Variants in ANO6 observed in about 807,000 individuals in gnomAD.
ANO6 encodes anoctamin-6.
ANO6 carries 106 observed loss-of-function variants against 117.5 expected under a neutral mutation model. The observed-to-expected ratio is 0.90, with a 90% confidence interval of 0.77 to 1.06. The LOEUF (loss-of-function observed/expected upper bound fraction) is 1.06. ANO6 is among the 50% of genes least tolerant of loss of function. ANO6 has a pLI of 0.00. For missense variants in ANO6, 955 were observed against 1,121.1 expected, an observed-to-expected ratio of 0.85 and a Z score of 2.12; for synonymous variants, 367 against 385.1, an observed-to-expected ratio of 0.95 and a Z score of 0.55.
chr12:45,366,187 T>C (rs999703553), intron 8 of ANO6, among the ~76,000 whole-genome samples: 1 of 152,036 alleles, frequency 6.6e-6, no homozygotes, highest in African/African-American at 2.4e-5. Flanking sequence ...CTGTCATTTT[T>C]ATGTCTGCAA....
At chr12:45,309,691 T>G (rs1419191685) in intron 2 of ANO6, among the ~76,000 whole-genome samples, 1 of 30,826 alleles carries the variant, frequency 3.2e-5, no homozygotes, top group East Asian at 1.0e-3. Flanking sequence ...CTTTCTTGGC[T>G]AATCCCAGAA....
chr12:45,249,961 A>G (rs760589352), intron 1 of ANO6, among the ~76,000 whole-genome samples: 4 of 152,212 alleles, frequency 2.6e-5, no homozygotes, highest in Non-Finnish European at 4.4e-5. Flanking sequence ...TTAATCTTCA[A>G]TTTCAGGTTC....
intron 18 of ANO6, among the ~76,000 whole-genome samples, chr12:45,422,196 G>T (rs2137705468): frequency 6.6e-6 from 1 of 152,288 alleles, no homozygotes; most frequent in East Asian, 1.9e-4. Flanking sequence ...ACTAACAGCA[G>T]TTAACACTTG....
chr12:45,326,438 T>G (rs1592969945), intron 2 of ANO6, among the ~76,000 whole-genome samples: 1 of 152,194 alleles, frequency 6.6e-6, no homozygotes, highest in African/African-American at 2.4e-5. Flanking sequence ...TAAAGAAATA[T>G]GTGAGTCAAA....
intron 6 of ANO6, among the ~76,000 whole-genome samples, chr12:45,348,872 T>A (rs770434017): frequency 6.6e-6 from 1 of 152,216 alleles, no homozygotes; most frequent in African/African-American, 2.4e-5. Context: ...CTCTCACAGT[T>A]AATGTGTAAA....
At chr12:45,275,791 T>A (rs1279165913) in intron 1 of ANO6, among the ~76,000 whole-genome samples, 1 of 152,214 alleles carries the variant, frequency 6.6e-6, no homozygotes, top group African/African-American at 2.4e-5. Context: ...TTCTTGATCC[T>A]CTACTGGCAT....
intron 2 of ANO6, among the ~76,000 whole-genome samples, chr12:45,309,910 A>G (rs1311006496): frequency 1.3e-5 from 2 of 152,166 alleles, no homozygotes; most frequent in Non-Finnish European, 2.9e-5. Context: ...AGGAACATTA[A>G]TTTGGCAAAA....
chr12:45,438,261 GTGTGTGTGTGTGTGTATGTA>G (rs1943731184), intron 19 of ANO6, among the ~76,000 whole-genome samples: 1 of 151,956 alleles, frequency 6.6e-6, no homozygotes, highest in South Asian at 2.1e-4. Flanking sequence ...ATGTGTGTGT[GTGTGTGTGTGTGTGTATGTA>G]TGTGTGTGTA....
chr12:45,224,837 C>T (rs900212404), intron 1 of ANO6, among the ~76,000 whole-genome samples: 1 of 152,014 alleles, frequency 6.6e-6, no homozygotes, highest in African/African-American at 2.4e-5. Flanking sequence ...AAATTTCCAT[C>T]AGTTATATGG....
chr12:45,317,944 C>T (rs1207338458), intron 2 of ANO6, among the ~76,000 whole-genome samples: 1 of 152,128 alleles, frequency 6.6e-6, no homozygotes, highest in Non-Finnish European at 1.5e-5. Flanking sequence ...CAGTTCATAT[C>T]CTTTGCCCAC....
intron 1 of ANO6, among the ~76,000 whole-genome samples, chr12:45,271,578 A>G (rs1287143162): frequency 6.6e-6 from 1 of 152,160 alleles, no homozygotes; most frequent in Admixed American, 6.5e-5. Flanking sequence ...TAAAAACTCT[A>G]TCTTCTGTCA....
At chr12:45,320,962 A>G (rs951103579) in intron 2 of ANO6, among the ~76,000 whole-genome samples, 1 of 151,682 alleles carries the variant, frequency 6.6e-6, no homozygotes, top group South Asian at 2.1e-4. Flanking sequence ...TTTGTTTTCC[A>G]TTTGCTTGGT....
In ANO6 at chr12:45,305,986, G is replaced by A. The variant is rs530918849; in HGVS notation, c.150+3893G>A. On this transcript the variant is annotated intron_variant, in intron 2 of 19. Coordinates refer to ENST00000320560, the MANE Select transcript of ANO6 (RefSeq NM_001025356.3). ...TAGAAACTCTGACTCTGTTGACATTGACCCAGGAACTCAGATGGGCCAGTT... is the reference window on the plus strand; with the variant it reads ...TAGAAACTCTGACTCTGTTGACATTAACCCAGGAACTCAGATGGGCCAGTT... 2.0e-5 allele frequency among the ~76,000 whole-genome samples: 3 copies of A among 152,218 alleles called. No individual in the cohort carries two copies. In the South Asian group the frequency reaches 6.2e-4, roughly 32 times the overall value.
At position 45,382,979 on chromosome 12, in the gene ANO6, C is replaced by CT. The variant is rs930495492; in HGVS notation, c.1165+4872dup. ...ATGAAGTTTGCCACATCAGTGGACT[C>CT]TTTTTTCACAAAAGAGTTCTCTAGC... On this transcript the variant is annotated intron_variant, in intron 10 of 19. Transcript: ENST00000320560. 5.6e-4 allele frequency among the ~76,000 whole-genome samples: 86 copies of CT among 152,220 alleles called. 1 individual carries two copies. Among genetic ancestry groups the CT allele is most frequent in the African/African-American group, 2.0e-3 (84 of 41,530 alleles).
intron 1 of ANO6, among the ~76,000 whole-genome samples, chr12:45,255,873 C>T (rs575281968): frequency 1.2e-4 from 17 of 143,140 alleles, no homozygotes; most frequent in South Asian, 6.8e-4. Context: ...CAGGCCAGAG[C>T]GCAGTGGCGG....
Position 45,370,804 on chromosome 12 carries a change from A to G in ANO6, c.1104+3011A>G, listed in dbSNP as rs567488337. On this transcript the variant is annotated intron_variant, in intron 9 of 19. Coordinates refer to ENST00000320560, the MANE Select transcript of ANO6 (RefSeq NM_001025356.3). ...GAAAGGATTGTTCCCCAGAGCAGGC[A>G]CGCATTTATTGTCTTCCTTGAGGTT... 4.8e-4 allele frequency among the ~76,000 whole-genome samples: 73 copies of G among 152,326 alleles called. 1 individual carries two copies. Among genetic ancestry groups the G allele is most frequent in the African/African-American group, 1.8e-3 (73 of 41,586 alleles).
At chr12:45,318,981 G>T (rs1940155150) in intron 2 of ANO6, among the ~76,000 whole-genome samples, 1 of 152,170 alleles carries the variant, frequency 6.6e-6, no homozygotes. Context: ...CTGAGACTTT[G>T]CTGAAGTTGC....
At chr12:45,268,703 T>C (rs1938297201) in intron 1 of ANO6, among the ~76,000 whole-genome samples, 1 of 152,180 alleles carries the variant, frequency 6.6e-6, no homozygotes, top group Admixed American at 6.5e-5. Context: ...CATTCTTTCC[T>C]GTCCTCCAGT....
At chr12:45,367,456 GAT>G (rs927410679) in intron 8 of ANO6, among the ~76,000 whole-genome samples, 3 of 152,158 alleles carry the variant, frequency 2.0e-5, no homozygotes, top group African/African-American at 7.2e-5. Flanking sequence ...AAGAAACAGT[GAT>G]AGCAGAATCT....
Sources: gnomAD v4.1 joint callset for allele counts (sites outside exome capture counted in the v4.1 genomes callset) on GRCh38, gnomAD v4.1.1 for gene constraint, MANE v1.5 for transcripts, NCBI Gene and HGNC (gene_info 2026-07-23, HGNC 2026-07-21) for gene names.